The following BACH2 variants were observed in gnomAD, a reference collection of about 807,000 sequenced individuals.
BACH2 encodes transcription regulator protein BACH2.
In BACH2, 5 loss-of-function variants were observed where a neutral mutation model predicts 61.8. The observed-to-expected ratio is 0.08, with a 90% CI of 0.04 to 0.17. The LOEUF (loss-of-function observed/expected upper bound fraction) is 0.17. Among genes scored for constraint, BACH2 ranks in the 10% least tolerant of loss-of-function variants. The pLI is 1.00. For missense variants in BACH2, 824 were observed against 1,091.1 expected, an observed-to-expected ratio of 0.76 and a Z score of 3.45; for synonymous variants, 446 against 440.1, an observed-to-expected ratio of 1.01 and a Z score of -0.17.
At position 89,971,155 on chromosome 6, in the gene BACH2, C is replaced by T. The variant is rs554031959; in HGVS notation, c.244-19293G>A. On this transcript the variant is annotated intron_variant, in intron 6 of 8. Coordinates refer to ENST00000257749, the MANE Select transcript of BACH2 (RefSeq NM_021813.4). ...GCCTTCCCCTAGGTGTTTCAGTTCACCTTTGCCACACAGTAACATGGGAAC... is the reference window on the plus strand; with the variant it reads ...GCCTTCCCCTAGGTGTTTCAGTTCATCTTTGCCACACAGTAACATGGGAAC... Among the ~76,000 whole-genome samples, 5 of 152,308 alleles carry T rather than the reference C, an allele frequency of 3.3e-5. 1 individual carries two copies. The South Asian group carries it at 1.0e-3, about 32-fold the overall frequency.
intron 6 of BACH2, among the ~76,000 whole-genome samples, chr6:89,973,750 G>A (rs1775498457): frequency 6.6e-6 from 1 of 152,114 alleles, no homozygotes; most frequent in African/African-American, 2.4e-5. Flanking sequence ...TATTCTCTCG[G>A]TGTCTCAAAA....
rs182931721 is a variant in BACH2 at position 90,285,975 on chromosome 6, C to T, written c.-446+10505G>A. On this transcript the variant is annotated intron_variant, in intron 1 of 8. Coordinates refer to ENST00000257749, the MANE Select transcript of BACH2 (RefSeq NM_021813.4). ...GCAGTTTCTATTTTCCAAGGTTAGA[C>T]CAAAAATATAAATAATCTATGCCAC... is the stretch of plus-strand genomic sequence containing the variant. Among the ~76,000 whole-genome samples the T allele has an allele frequency of 6.6e-5, 10 of 152,172 alleles. No individual in the cohort carries two copies. In the East Asian group the frequency reaches 1.9e-3, roughly 29 times the overall value.
chr6:90,030,397 G>A lies in BACH2; in HGVS notation c.-12-21541C>T, dbSNP rs372177482. 2.3e-3 allele frequency among the ~76,000 whole-genome samples: 351 copies of A among 152,060 alleles called. 7 individuals carry two copies. The South Asian group carries it at 0.044, about 19-fold the overall frequency. ...GGTAGGAGGAAGGTTTCTGATTTTC[G>A]AATGAAAATCAGACCAGCAGGGTTT... On this transcript the variant is annotated intron_variant, in intron 5 of 8. Transcript: ENST00000257749.
At chr6:90,103,358 C>T (rs1322614638) in intron 4 of BACH2, among the ~76,000 whole-genome samples, 1 of 151,878 alleles carries the variant, frequency 6.6e-6, no homozygotes. Context: ...GAGTAGCAAC[C>T]CTGCTCTCCA....
chr6:90,025,851 G>GA (rs1778607550), intron 5 of BACH2, among the ~76,000 whole-genome samples: 1 of 152,200 alleles, frequency 6.6e-6, no homozygotes, highest in African/African-American at 2.4e-5. Context: ...TCTCCATGGG[G>GA]AAATCATTAC....
intron 1 of BACH2, among the ~76,000 whole-genome samples, 192 bp downstream of exon 1, chr6:90,296,288 T>C (rs1772381789): frequency 2.6e-5 from 4 of 151,434 alleles, no homozygotes; most frequent in African/African-American, 7.2e-5. Context: ...TCCCACCCCC[T>C]TCCCGTTCCT....
intron 4 of BACH2, among the ~76,000 whole-genome samples, chr6:90,130,315 C>T (rs1375328321): frequency 1.3e-5 from 2 of 152,148 alleles, no homozygotes; most frequent in East Asian, 3.9e-4. Context: ...TACAGGTGAC[C>T]TAGGATACAG....
intron 4 of BACH2, among the ~76,000 whole-genome samples, chr6:90,191,147 T>C (rs1209312526): frequency 1.3e-5 from 2 of 152,218 alleles, no homozygotes; most frequent in East Asian, 1.9e-4. Flanking sequence ...TTTGCTTCTG[T>C]AAATCAGTAA....
At chr6:90,021,329 A>T (rs1291075851) in intron 5 of BACH2, among the ~76,000 whole-genome samples, 1 of 151,830 alleles carries the variant, frequency 6.6e-6, no homozygotes, top group African/African-American at 2.4e-5. Context: ...CAACAAAAAA[A>T]TCACAGTGGG....
intron 1 of BACH2, among the ~76,000 whole-genome samples, chr6:90,277,257 T>C (rs1771723223): frequency 1.3e-5 from 2 of 152,152 alleles, no homozygotes; most frequent in African/African-American, 2.4e-5. Flanking sequence ...TACAAATTAA[T>C]AAATAGTGGT....
At chr6:90,152,750 A>T (rs1381813299) in intron 4 of BACH2, among the ~76,000 whole-genome samples, 1 of 152,222 alleles carries the variant, frequency 6.6e-6, no homozygotes. Context: ...CATCACAACT[A>T]AATACTAATA....
chr6:90,255,119 A>T (rs1394273981), intron 2 of BACH2, among the ~76,000 whole-genome samples: 1 of 152,180 alleles, frequency 6.6e-6, no homozygotes, highest in Non-Finnish European at 1.5e-5. Flanking sequence ...AGATGCAAAA[A>T]ATCGGTACAG....
At chr6:90,132,508 A>AT (rs1784112556) in intron 4 of BACH2, among the ~76,000 whole-genome samples, 1 of 152,066 alleles carries the variant, frequency 6.6e-6, no homozygotes, top group Non-Finnish European at 1.5e-5. Context: ...ACCAATATTC[A>AT]TATTCAGTTT....
rs117933704 is a variant in BACH2, at chr6:90,053,428, C to T, written c.-13+35533G>A. Among the ~76,000 whole-genome samples the T allele has an allele frequency of 6.5e-3, 985 of 152,220 alleles. 6 individuals are homozygous for T. The highest frequency in any genetic ancestry group is 0.01 in the Middle Eastern group (3 of 294). ...CTGAGTAGCTAGGACTACAGGTATA[C>T]ACCACCCATTTGGCTAATTTATTTA... On this transcript the variant is annotated intron_variant, in intron 5 of 8. Coordinates refer to ENST00000257749, the MANE Select transcript of BACH2 (RefSeq NM_021813.4).
intron 3 of BACH2, among the ~76,000 whole-genome samples, chr6:90,233,160 T>C (rs536003800): frequency 8.5e-5 from 13 of 152,370 alleles, no homozygotes; most frequent in African/African-American, 2.9e-4. Context: ...AAGAGTGCTA[T>C]GCTAGGAAGC....
At position 90,242,433 on chromosome 6, in the gene BACH2, G is replaced by C. The variant is rs1770485633; in HGVS notation, c.-275+10080C>G. Among the ~76,000 whole-genome samples the C allele has an allele frequency of 3.3e-5, 5 of 152,034 alleles. 2 individuals carry two copies. In the South Asian group the frequency reaches 1.0e-3, roughly 32 times the overall value. On this transcript the variant is annotated intron_variant, in intron 3 of 8. Coordinates refer to ENST00000257749, the MANE Select transcript of BACH2 (RefSeq NM_021813.4). ...TGGCTTCATTGCTCATTTCTTTTTAGTGCTGAATAATATTCCATTATCTGG... is the reference window on the plus strand; with the variant it reads ...TGGCTTCATTGCTCATTTCTTTTTACTGCTGAATAATATTCCATTATCTGG...
rs867570095 is a variant in BACH2 at position 90,032,145 on chromosome 6, T to C, written c.-12-23289A>G. On this transcript the variant is annotated intron_variant, in intron 5 of 8. Coordinates refer to ENST00000257749, the MANE Select transcript of BACH2 (RefSeq NM_021813.4). ...TAATAAATGGTGCTGGGAAAACTGG[T>C]TAGCCATATGTAGAAAGCTGAAACT... Among the ~76,000 whole-genome samples the C allele has an allele frequency of 1.4e-3, 215 of 151,852 alleles. 1 individual carries two copies. Among genetic ancestry groups the C allele is most frequent in the African/African-American group, 4.5e-3 (188 of 41,366 alleles).
intron 4 of BACH2, among the ~76,000 whole-genome samples, chr6:90,108,830 T>C (rs150839495): frequency 3.8e-4 from 58 of 152,318 alleles, no homozygotes; most frequent in Middle Eastern, 3.4e-3. Flanking sequence ...AACCTTTTTA[T>C]TGAGGACAGA....
intron 4 of BACH2, among the ~76,000 whole-genome samples, chr6:90,147,699 T>G (rs1784671339): frequency 6.6e-6 from 1 of 152,218 alleles, no homozygotes; most frequent in African/African-American, 2.4e-5. Flanking sequence ...CTTCCTGTTG[T>G]ATAAAAGAAC....
Sources: allele counts gnomAD v4.1 joint callset (sites outside exome capture counted in the v4.1 genomes callset), GRCh38; gene constraint gnomAD v4.1.1; transcripts MANE v1.5; gene names NCBI Gene and HGNC (gene_info 2026-07-23, HGNC 2026-07-21).